Variants in HLCS observed in about 807,000 individuals in gnomAD.
HLCS encodes the protein holocarboxylase synthetase, also known as biotin--protein ligase.
A neutral mutation model predicts 75.0 loss-of-function variants in HLCS; 53 were observed. That is an observed-to-expected ratio of 0.71 (90% CI 0.57 to 0.89). HLCS has a LOEUF of 0.89. HLCS is among the 40% of genes least tolerant of loss of function. The pLI is 0.00. For missense variants in HLCS, 966 were observed against 1,074.0 expected (o/e 0.90, Z 1.41); for synonymous variants, 431 against 428.6 (o/e 1.01, Z -0.07).
chr21:36,755,275 C>T (rs2089519590), intron 10 of HLCS, among the ~76,000 whole-genome samples: 2 of 151,848 alleles, frequency 1.3e-5, no homozygotes, highest in African/African-American at 2.4e-5. Context: ...GTGGCACACT[C>T]CTATTGTCTC....
Position 36,842,438 on chromosome 21 carries a change from A to G in HLCS, c.1892+54422T>C, listed in dbSNP as rs2062646968. Among the ~76,000 whole-genome samples the G allele has an allele frequency of 1.3e-5, 2 of 152,136 alleles. No homozygotes were observed. The highest frequency in any genetic ancestry group is 6.5e-5 in the Admixed American group (1 of 15,270). ...TCTGGAGGCATATTATACTTCAATA[A>G]AACTTCTAAGAAACTCTCTGGCCAG... On this transcript the variant is annotated intron_variant, in intron 6 of 10. Coordinates refer to ENST00000674895, the MANE Select transcript of HLCS (RefSeq NM_001352514.2). The surrounding 1 kb of genome is among the most constrained non-coding windows in gnomAD (Gnocchi z 4.2).
intron 5 of HLCS, among the ~76,000 whole-genome samples, chr21:36,915,500 G>C (rs1048882909): frequency 3.3e-5 from 5 of 152,152 alleles, no homozygotes; most frequent in African/African-American, 1.2e-4. Context: ...AATAACACCT[G>C]GCCAGGCCTG....
At chr21:36,902,725 G>A (rs1473172725) in intron 5 of HLCS, among the ~76,000 whole-genome samples, 2 of 152,208 alleles carry the variant, frequency 1.3e-5, no homozygotes, top group African/African-American at 2.4e-5. Flanking sequence ...ATGAGAAGAC[G>A]AATGCAGTGG....
intron 2 of HLCS, among the ~76,000 whole-genome samples, chr21:36,940,666 C>A (rs1356753957): frequency 6.6e-6 from 1 of 152,190 alleles, no homozygotes; most frequent in Non-Finnish European, 1.5e-5. Context: ...AAGGGGTATT[C>A]CTGCAAGACA....
At chr21:36,844,408 T>C (rs1345666961) in intron 6 of HLCS, among the ~76,000 whole-genome samples, 4 of 152,158 alleles carry the variant, frequency 2.6e-5, no homozygotes, top group Admixed American at 6.5e-5. Context: ...TATACTCTGT[T>C]CAATTTTTCT....
At chr21:36,879,110 T>C (rs2064100252) in intron 6 of HLCS, among the ~76,000 whole-genome samples, 1 of 452 alleles carries the variant, frequency 2.2e-3, no homozygotes, top group South Asian at 0.25. Context: ...TATTAAGGCA[T>C]GATATCTCTT....
chr21:36,854,148 T>C (rs1329659709), intron 6 of HLCS, among the ~76,000 whole-genome samples: 4 of 152,356 alleles, frequency 2.6e-5, no homozygotes, highest in East Asian at 3.9e-4. Flanking sequence ...CATGAGACTC[T>C]TTGAACGTCA....
chr21:36,953,884 C>A (rs1253477326), intron 2 of HLCS, among the ~76,000 whole-genome samples: 1 of 152,112 alleles, frequency 6.6e-6, no homozygotes, highest in African/African-American at 2.4e-5. Flanking sequence ...ATGGCTGTCC[C>A]TCATAAGATT....
chr21:36,914,510 C>T (rs2065846777), intron 5 of HLCS, among the ~76,000 whole-genome samples: 2 of 152,190 alleles, frequency 1.3e-5, no homozygotes, highest in Non-Finnish European at 2.9e-5. Context: ...GGCTCAGACG[C>T]TGAAAGGCCC....
intron 6 of HLCS, among the ~76,000 whole-genome samples, chr21:36,816,118 A>G (rs2061655996): frequency 6.6e-6 from 1 of 152,198 alleles, no homozygotes; most frequent in Non-Finnish European, 1.5e-5. Flanking sequence ...TTCTGGCTCC[A>G]ACACTGTCTC....
chr21:36,856,721 C>G (rs937099854), intron 6 of HLCS, among the ~76,000 whole-genome samples: 4 of 152,142 alleles, frequency 2.6e-5, no homozygotes, highest in Admixed American at 2.0e-4. Context: ...GCACCCACCA[C>G]CAATAATCAC....
chr21:36,942,081 G>T (rs1448888391), intron 2 of HLCS, among the ~76,000 whole-genome samples: 1 of 151,044 alleles, frequency 6.6e-6, no homozygotes, highest in Non-Finnish European at 1.5e-5. Context: ...CTGAAGCTAG[G>T]AGAATTGCTT....
At chr21:36,850,868 C>T (rs764820052) in intron 6 of HLCS, among the ~76,000 whole-genome samples, 2 of 152,218 alleles carry the variant, frequency 1.3e-5, no homozygotes, top group South Asian at 2.1e-4. Flanking sequence ...CTGGGCCAGT[C>T]GGGGTCTACA....
At position 36,880,534 on chromosome 21, in the gene HLCS, T is replaced by A. The variant is rs545825065; in HGVS notation, c.1892+16326A>T. ...CATATTACATTTCATCTTGTTTCCA[T>A]TTATAAAAGAGAAGATGCCATAGGT... On this transcript the variant is annotated intron_variant, in intron 6 of 10. Coordinates refer to ENST00000674895, the MANE Select transcript of HLCS (RefSeq NM_001352514.2). Among the ~76,000 whole-genome samples the A allele has an allele frequency of 2.6e-5, 4 of 152,230 alleles. No individual in the cohort carries two copies. In the East Asian group the frequency reaches 7.7e-4, roughly 29 times the overall value.
At position 36,749,102 on chromosome 21, in the gene HLCS, T is replaced by TA. The variant is rs1331365840; in HGVS notation, c.*5143dup. On this transcript the variant is annotated 3_prime_UTR_variant, in exon 11 of 11. Coordinates refer to ENST00000674895, the MANE Select transcript of HLCS (RefSeq NM_001352514.2). ...TTTTCTACACAGCGAGAAAACTTCG[T>TA]AAGAACATGTTACGTGTGCAACAGG... is the stretch of plus-strand genomic sequence containing the variant. 1 of 152,654 alleles carries TA rather than the reference T, an allele frequency of 6.6e-6. No homozygotes were observed. Among genetic ancestry groups the TA allele is most frequent in the Non-Finnish European group, 1.5e-5 (1 of 68,026 alleles). The allele number at this position is 152,654 out of a possible 1,614,324, so 9.5% of individuals were successfully genotyped here.
In HLCS at chr21:36,850,994, G is replaced by C. The variant is rs115404942; in HGVS notation, c.1892+45866C>G. Among the ~76,000 whole-genome samples the C allele has an allele frequency of 9.7e-3, 1,475 of 152,268 alleles. 31 individuals carry two copies. Among genetic ancestry groups the C allele is most frequent in the African/African-American group, 0.034 (1,397 of 41,554 alleles). On this transcript the variant is annotated intron_variant, in intron 6 of 10. Coordinates refer to ENST00000674895, the MANE Select transcript of HLCS (RefSeq NM_001352514.2). ...GGGGCTGTAGCCTACGGCCACAGGT[G>C]ATGGGCAGGGTGGGTTAGGAACTGT... is the stretch of plus-strand genomic sequence containing the variant.
At chr21:36,821,646 C>T (rs770079840) in intron 6 of HLCS, among the ~76,000 whole-genome samples, 9 of 152,172 alleles carry the variant, frequency 5.9e-5, no homozygotes, top group Non-Finnish European at 1.2e-4. Context: ...ACATCGTTAC[C>T]GCTTAGGAAT....
intron 4 of HLCS, among the ~76,000 whole-genome samples, chr21:36,935,886 C>G (rs1415912837): frequency 6.6e-6 from 1 of 152,190 alleles, no homozygotes; most frequent in Non-Finnish European, 1.5e-5. Context: ...TAAGTAGCTT[C>G]AATATTCTCT....
At chr21:36,809,270 T>C (rs910324293) in intron 6 of HLCS, among the ~76,000 whole-genome samples, 1 of 152,090 alleles carries the variant, frequency 6.6e-6, no homozygotes, top group African/African-American at 2.4e-5. Context: ...ACCTTGAAAA[T>C]GTTATTCCAT....
Sources: allele counts gnomAD v4.1 joint callset (sites outside exome capture counted in the v4.1 genomes callset), GRCh38; gene constraint gnomAD v4.1.1; non-coding constraint Gnocchi (gnomAD v3.1); transcripts MANE v1.5; gene names NCBI Gene and HGNC (gene_info 2026-07-23, HGNC 2026-07-21).